Variants in ARHGEF26 observed in about 807,000 individuals in gnomAD.
ARHGEF26 encodes the protein Rho guanine nucleotide exchange factor 26, also known as Rho guanine nucleotide exchange factor (GEF) 26.
In ARHGEF26, 59 loss-of-function variants were observed where a neutral mutation model predicts 89.4. The observed-to-expected ratio is 0.66, with a 90% CI of 0.54 to 0.82. ARHGEF26 has a LOEUF of 0.82. ARHGEF26 is among the 40% of genes least tolerant of loss of function. The pLI is 0.00. For synonymous variants in ARHGEF26, 500 were observed against 428.4 expected, an observed-to-expected ratio of 1.17 and a Z score of -2.06; for missense variants, 1,234 against 1,085.6, an observed-to-expected ratio of 1.14 and a Z score of -1.92.
intron 6 of ARHGEF26, among the ~76,000 whole-genome samples, chr3:154,160,630 C>G (rs901991324): frequency 1.3e-5 from 2 of 152,128 alleles, no homozygotes; most frequent in African/African-American, 4.8e-5. Context: ...AACCAAGGAT[C>G]AACCAGATTG....
Position 154,123,035 on chromosome 3 carries a change from T to C in ARHGEF26, c.1043T>C (p.Met348Thr), listed in dbSNP as rs375753893. The C allele has an allele frequency of 1.2e-6, 2 of 1,613,822 alleles. No individual in the cohort carries two copies. The highest frequency in any genetic ancestry group is 2.7e-5 in the African/African-American group (2 of 74,916). Residue 348 changes from methionine (M) to threonine (T), a missense_variant, in exon 2 of 15, where the codon ATG (methionine) becomes ACG (threonine). Transcript: ENST00000465093. ...TCCCAGCCTGTTCTGAAAGTGGTGA[T>C]GGAAGACAAGGAGAAGTTTTCCAGT... ...RMSQPVLKVV[M>T]EDKEKFSSLG... is the part of the protein sequence containing the mutation.
chr3:154,217,628 G>A (rs922309177), intron 9 of ARHGEF26, among the ~76,000 whole-genome samples: 2 of 152,172 alleles, frequency 1.3e-5, no homozygotes, highest in Admixed American at 6.5e-5. Context: ...TTTGGAAGAA[G>A]GGCGAGGGTT....
intron 3 of ARHGEF26, among the ~76,000 whole-genome samples, chr3:154,127,136 A>G (rs1425100478): frequency 6.6e-6 from 1 of 152,232 alleles, no homozygotes; most frequent in Non-Finnish European, 1.5e-5. Flanking sequence ...GGCCTAGAAC[A>G]TTACTGTACA....
intron 6 of ARHGEF26, among the ~76,000 whole-genome samples, chr3:154,170,934 G>A (rs1055634054): frequency 6.6e-6 from 1 of 152,182 alleles, no homozygotes; most frequent in Non-Finnish European, 1.5e-5. Flanking sequence ...GTAAATACCT[G>A]TTGGGACGAT....
At chr3:154,193,060 C>CA (rs398106610) in intron 8 of ARHGEF26, among the ~76,000 whole-genome samples, 7 of 152,084 alleles carry the variant, frequency 4.6e-5, no homozygotes, top group Admixed American at 3.3e-4. Context: ...CAGACCCCCC[C>CA]TTGAGATTCT....
chr3:154,226,662 C>CACAA (rs746979931), intron 11 of ARHGEF26, among the ~76,000 whole-genome samples: 1 of 16,772 alleles, frequency 6.0e-5, no homozygotes, highest in African/African-American at 3.0e-4. Flanking sequence ...TTCTGTTCTA[C>CACAA]ACACACACAC....
chr3:154,182,335 A>T (rs1403488249), intron 6 of ARHGEF26, among the ~76,000 whole-genome samples: 1 of 152,142 alleles, frequency 6.6e-6, no homozygotes, highest in African/African-American at 2.4e-5. Flanking sequence ...AGTGGGATTC[A>T]TGAGGGAAAA....
chr3:154,129,631 A>G lies in ARHGEF26; in HGVS notation c.1181A>G (p.Glu394Gly). The G allele has an allele frequency of 6.2e-7, 1 of 1,611,892 alleles. No individual in the cohort carries two copies. Among genetic ancestry groups the G allele is most frequent in the Non-Finnish European group, 8.5e-7 (1 of 1,178,948 alleles). The change falls in exon 4 of 15, where the codon GAA (glutamate) becomes GGA (glycine). Residue 394 changes from glutamate to glycine, a missense_variant. Coordinates refer to ENST00000465093, the MANE Select transcript of ARHGEF26 (RefSeq NM_015595.4). ...AAGGCCCTTGACATTGATTCTGATG[A>G]AGAGTCAGAGCCCAAAGAACAGAAG... The part of the protein sequence containing the change: ...KEKALDIDSD[E>G]ESEPKEQKSD...
At chr3:154,209,011 C>T (rs989004019) in intron 9 of ARHGEF26, among the ~76,000 whole-genome samples, 1 of 152,052 alleles carries the variant, frequency 6.6e-6, no homozygotes, top group Non-Finnish European at 1.5e-5. Context: ...AAGTAATCTG[C>T]CCACCTCGGT....
intron 1 of ARHGEF26, 117 bp from the exon 2 acceptor site, chr3:154,121,825 T>G: frequency 6.6e-6 from 6 of 914,012 alleles, no homozygotes; most frequent in Non-Finnish European, 7.9e-6. Context: ...GGCGGGTAAG[T>G]GCGGTGCAGT....
chr3:154,217,803 TTCTGC>T lies in ARHGEF26; in HGVS notation c.1846-64_1846-60del, dbSNP rs2108246501. ...AAGTGGTAATTATTTCCTGTGAGAG[TTCTGC>T]TTTTGAAAGTGAGGTTTCTCTCCTT... On this transcript the variant is annotated intron_variant, in intron 9 of 14. Transcript: ENST00000465093. 4.1e-6 allele frequency: 5 copies of T among 1,229,788 alleles called. No homozygotes were observed. The East Asian group carries it at 1.3e-4, about 31-fold the overall frequency. The allele number at this position is 1,229,788 out of a possible 1,614,324, so 76.2% of individuals were successfully genotyped here.
At chr3:154,205,910 G>C (rs1259198432) in intron 9 of ARHGEF26, among the ~76,000 whole-genome samples, 1 of 151,922 alleles carries the variant, frequency 6.6e-6, no homozygotes, top group Non-Finnish European at 1.5e-5. Flanking sequence ...TTAGGGTAGG[G>C]GTAGTTTACA....
At chr3:154,216,510 T>TTA (rs1491333724) in intron 9 of ARHGEF26, among the ~76,000 whole-genome samples, 1,221 of 6,130 alleles carry the variant, frequency 0.2, 13 homozygotes, top group African/African-American at 0.41. Context: ...TTATTTTTTA[T>TTA]TTTTTTTTTA....
intron 13 of ARHGEF26, 101 bp downstream of exon 13, chr3:154,253,284 T>A: frequency 7.4e-7 from 1 of 1,355,882 alleles, no homozygotes. Flanking sequence ...AATACTTGCC[T>A]AAGTTTCCTC....
chr3:154,149,379 T>C lies in ARHGEF26; in HGVS notation c.1270-10T>C, dbSNP rs929196496. On this transcript the variant is annotated splice_polypyrimidine_tract_variant and intron_variant, in intron 4 of 14. Transcript: ENST00000465093. The stretch of plus-strand genomic sequence containing the variant: ...TAAATGAGTCAACTCTACTTTGCTT[T>C]TTCTCCTAGGTGAAAAGAAAGGGAT... 3.1e-6 allele frequency: 5 copies of C among 1,598,734 alleles called. No homozygotes were observed. The South Asian group carries it at 4.5e-5, about 15-fold the overall frequency.
Position 154,198,892 on chromosome 3 carries a change from T to G in ARHGEF26, c.1845+4174T>G, listed in dbSNP as rs144687924. Among the ~76,000 whole-genome samples, 260 of 152,196 alleles carry G rather than the reference T, an allele frequency of 1.7e-3. 2 individuals are homozygous for G. The highest frequency in any genetic ancestry group is 1.2e-3 in the Non-Finnish European group (82 of 67,978). On this transcript the variant is annotated intron_variant, in intron 9 of 14. Transcript: ENST00000465093. ...GTATTGAAATAAATTTTTTTATAGA[T>G]AAGTAGATACAAAAGTATTTTTATT...
At chr3:154,242,108 A>G (rs1176764232) in intron 12 of ARHGEF26, among the ~76,000 whole-genome samples, 1 of 152,210 alleles carries the variant, frequency 6.6e-6, no homozygotes, top group Non-Finnish European at 1.5e-5. Flanking sequence ...CAGGCTAGAG[A>G]AAAAACCAAG....
chr3:154,251,929 A>G (rs1373229891), intron 12 of ARHGEF26, among the ~76,000 whole-genome samples: 1 of 152,194 alleles, frequency 6.6e-6, no homozygotes, highest in African/African-American at 2.4e-5. Context: ...TGATTAACTC[A>G]GTTTATGTTA....
At chr3:154,179,443 C>G (rs911131191) in intron 6 of ARHGEF26, among the ~76,000 whole-genome samples, 1 of 152,192 alleles carries the variant, frequency 6.6e-6, no homozygotes, top group African/African-American at 2.4e-5. Flanking sequence ...GGTGGTTTGG[C>G]TCCTTTTTCC....
Sources: gnomAD v4.1 joint callset for allele counts (sites outside exome capture counted in the v4.1 genomes callset) on GRCh38, gnomAD v4.1.1 for gene constraint, MANE v1.5 for transcripts, NCBI Gene and HGNC (gene_info 2026-07-23, HGNC 2026-07-21) for gene names.